ABLIM2: variants seen among roughly 807,000 people sequenced by gnomAD.
The protein encoded by ABLIM2 is actin-binding LIM protein 2.
A neutral mutation model predicts 97.7 loss-of-function variants in ABLIM2; 53 were observed. That is an observed-to-expected ratio of 0.54 (90% confidence interval 0.44 to 0.68). The LOEUF is 0.68. Among genes scored for constraint, ABLIM2 ranks in the 30% least tolerant of loss-of-function variants. The pLI is 0.00. For synonymous variants in ABLIM2, 361 were observed against 345.8 expected (o/e 1.04, Z -0.49); for missense variants, 835 against 867.2 (o/e 0.96, Z 0.47).
rs1204535498 is a variant in ABLIM2 at position 7,970,150 on chromosome 4, CAG to C, written c.1825-3049_1825-3048del. Among the ~76,000 whole-genome samples, 1 of 152,194 alleles carries C rather than the reference CAG, an allele frequency of 6.6e-6. No homozygotes were observed. The highest frequency in any genetic ancestry group is 1.5e-5 in the Non-Finnish European group (1 of 68,040). On this transcript the variant is annotated intron_variant, in intron 20 of 20. Coordinates refer to ENST00000447017, the MANE Select transcript of ABLIM2 (RefSeq NM_001130083.2). This position sits in a 1 kb window ranked among gnomAD's most constrained non-coding sequence, Gnocchi z 5.3. ...AGACCTTGTTCCAGACATGGAAAGT[CAG>C]AGACACAAGGCCCCTGGCAGGGGTA...
chr4:8,007,690 C>T, intron 16 of ABLIM2: 1 of 1,033,540 alleles, frequency 9.7e-7, no homozygotes, highest in Non-Finnish European at 1.2e-6. Flanking sequence ...CACTCATCAG[C>T]CGGACCATGC....
chr4:8,107,801 T>C (rs990184343), intron 1 of ABLIM2, among the ~76,000 whole-genome samples: 1 of 152,194 alleles, frequency 6.6e-6, no homozygotes, highest in East Asian at 1.9e-4. Context: ...CGATGGGATA[T>C]GATGTGATCG....
rs1368872973 is a variant in ABLIM2 at position 8,128,785 on chromosome 4, G to T, written c.11-22148C>A. ...TCTTGCAGGTGGAGCCCTCATCATG[G>T]GATGAGTGCCCTTGTAAGAAGAGGC... On this transcript the variant is annotated intron_variant, in intron 1 of 20. Transcript: ENST00000447017. This position sits in a 1 kb window ranked among gnomAD's most constrained non-coding sequence, Gnocchi z 4.9. Among the ~76,000 whole-genome samples the T allele has an allele frequency of 6.6e-6, 1 of 152,124 alleles. No individual in the cohort carries two copies. Among genetic ancestry groups the T allele is most frequent in the East Asian group, 1.9e-4 (1 of 5,178 alleles).
At chr4:8,105,269 T>A (rs573558632) in intron 2 of ABLIM2, among the ~76,000 whole-genome samples, 2 of 152,144 alleles carry the variant, frequency 1.3e-5, no homozygotes, top group African/African-American at 4.8e-5. Flanking sequence ...CCTGTGGGCA[T>A]CCCCCCCTAC....
chr4:7,989,899 G>A (rs535483983), intron 17 of ABLIM2, among the ~76,000 whole-genome samples: 1 of 152,308 alleles, frequency 6.6e-6, no homozygotes, highest in South Asian at 2.1e-4. Flanking sequence ...AGGGAGAGAA[G>A]CAGCAGGCCT....
rs775402103 is a variant in ABLIM2, at chr4:8,005,180, C to T, written c.1618+2879G>A. The T allele has an allele frequency of 2.1e-5, 8 of 387,626 alleles. No homozygotes were observed. Among genetic ancestry groups the T allele is most frequent in the African/African-American group, 8.3e-5 (4 of 48,378 alleles). 24.0% of individuals were successfully genotyped at this position (387,626 alleles called of 1,614,324 possible). Reference sequence around the variant, plus strand: ...GAGGTGCCCGGCGGGCAGGCGGCGGCGGGATGCGTGTGCGCTCGCTCTGTC... The same window carrying T: ...GAGGTGCCCGGCGGGCAGGCGGCGGTGGGATGCGTGTGCGCTCGCTCTGTC... On this transcript the variant is annotated intron_variant, in intron 16 of 20. Transcript: ENST00000447017. This position sits in a 1 kb window ranked among gnomAD's most constrained non-coding sequence, Gnocchi z 4.9.
rs1283887855 is a variant in ABLIM2 at position 8,087,156 on chromosome 4, C to T, written c.454+1013G>A. Among the ~76,000 whole-genome samples, 4 of 152,180 alleles carry T rather than the reference C, an allele frequency of 2.6e-5. No homozygotes were observed. The highest frequency in any genetic ancestry group is 7.2e-5 in the African/African-American group (3 of 41,442). On this transcript the variant is annotated intron_variant, in intron 4 of 20. Transcript: ENST00000447017. The surrounding 1 kb of genome is among the most constrained non-coding windows in gnomAD (Gnocchi z 4.6). ...TTGACCCCAGAAATCAGGAGAAACC[C>T]CTCCTCTGTCTGGGGACACCCCAGT...
chr4:8,097,410 C>T, intron 2 of ABLIM2, 128 bp from the exon 3 acceptor site: 1 of 1,163,300 alleles, frequency 8.6e-7, no homozygotes. Context: ...TCGGCACACA[C>T]TTGGGGTGGC....
At chr4:8,092,944 G>A (rs1000415854) in intron 3 of ABLIM2, among the ~76,000 whole-genome samples, 11 of 152,130 alleles carry the variant, frequency 7.2e-5, no homozygotes. Context: ...CACTTCCTGG[G>A]TTCAAGAGAT....
At chr4:8,117,424 C>G (rs1448782777) in intron 1 of ABLIM2, among the ~76,000 whole-genome samples, 2 of 151,904 alleles carry the variant, frequency 1.3e-5, no homozygotes, top group African/African-American at 4.8e-5. Flanking sequence ...GCTTCAGGCT[C>G]CACTCACCAG....
At chr4:8,115,491 AC>A (rs1842413596) in intron 1 of ABLIM2, among the ~76,000 whole-genome samples, 1 of 152,154 alleles carries the variant, frequency 6.6e-6, no homozygotes, top group African/African-American at 2.4e-5. Context: ...TGCTTGGGGA[AC>A]AGGATGAACC....
In ABLIM2 at chr4:8,082,970, C is replaced by G. The variant is rs1369523236; in HGVS notation, c.455-2168G>C. Among the ~76,000 whole-genome samples the G allele has an allele frequency of 3.3e-5, 5 of 152,284 alleles. No homozygotes were observed. The highest frequency in any genetic ancestry group is 2.1e-4 in the South Asian group (1 of 4,816). On this transcript the variant is annotated intron_variant, in intron 4 of 20. Coordinates refer to ENST00000447017, the MANE Select transcript of ABLIM2 (RefSeq NM_001130083.2). The surrounding 1 kb of genome is among the most constrained non-coding windows in gnomAD (Gnocchi z 5.6). ...TGGCTCTCAACTTGGGGCACTTTTG[C>G]CCAAGAGACATTTGGCAATGTCTGG...
At chr4:8,074,868 C>T (rs1814950068) in intron 6 of ABLIM2, among the ~76,000 whole-genome samples, 2 of 151,582 alleles carry the variant, frequency 1.3e-5, no homozygotes, top group Non-Finnish European at 1.5e-5. Flanking sequence ...GCAACCTCCA[C>T]CTCCTGGTCC....
At chr4:8,141,685 G>C (rs1477935183) in intron 1 of ABLIM2, among the ~76,000 whole-genome samples, 2 of 152,274 alleles carry the variant, frequency 1.3e-5, no homozygotes, top group Admixed American at 6.5e-5. Flanking sequence ...TCTGCTCCTA[G>C]TATCAGCCAG....
chr4:8,011,387 C>T (rs752755560), intron 14 of ABLIM2, among the ~76,000 whole-genome samples: 3 of 152,162 alleles, frequency 2.0e-5, no homozygotes, highest in East Asian at 1.9e-4. Context: ...AACAGATGAC[C>T]GAGTCTCTTG....
At chr4:8,016,164 C>T (rs1769089148) in intron 14 of ABLIM2, among the ~76,000 whole-genome samples, 1 of 151,682 alleles carries the variant, frequency 6.6e-6, no homozygotes, top group Non-Finnish European at 1.5e-5. Context: ...CCTGCCTCAC[C>T]TCCCAAGTAG....
chr4:8,098,648 C>T (rs4464550), intron 2 of ABLIM2, among the ~76,000 whole-genome samples: 21,730 of 152,122 alleles, frequency 0.14, 3,028 homozygotes, highest in African/African-American at 0.34. Flanking sequence ...CCGGAGCTGC[C>T]GGGATTCGAA....
chr4:8,080,358 G>A (rs964131022), intron 5 of ABLIM2, among the ~76,000 whole-genome samples: 13 of 152,200 alleles, frequency 8.5e-5, no homozygotes. Flanking sequence ...GGGGGACTGC[G>A]ACGGGGAGGG....
intron 14 of ABLIM2, among the ~76,000 whole-genome samples, chr4:8,013,867 G>A (rs1314980549): frequency 1.3e-5 from 2 of 152,238 alleles, no homozygotes; most frequent in Non-Finnish European, 2.9e-5. Context: ...AGCCTCAGGT[G>A]CACGGAGGAA....
Sources: allele counts gnomAD v4.1 joint callset (sites outside exome capture counted in the v4.1 genomes callset), GRCh38; gene constraint gnomAD v4.1.1; non-coding constraint Gnocchi (gnomAD v3.1); transcripts MANE v1.5; gene names NCBI Gene and HGNC (gene_info 2026-07-23, HGNC 2026-07-21).